The following PDCD11 variants were observed in gnomAD, a reference collection of about 807,000 sequenced individuals.
PDCD11 encodes protein RRP5 homolog.
Under a neutral mutation model 198.9 loss-of-function variants are expected in PDCD11, and 97 were observed. The ratio of observed to expected loss-of-function variants is 0.49; its 90% CI spans 0.41 to 0.58. The LOEUF (loss-of-function observed/expected upper bound fraction) is 0.58. Ranked by LOEUF, PDCD11 falls within the 20% of genes least tolerant of loss-of-function variation. The probability of loss-of-function intolerance (pLI) is 0.00; values close to 1 mark genes in which losing one functional copy is unlikely to be tolerated. For missense variants in PDCD11, 2,102 were observed against 2,312.7 expected (o/e 0.91, Z 1.87); for synonymous variants, 893 against 918.0 (o/e 0.97, Z 0.49).
intron 15 of PDCD11, 106 bp downstream of exon 15, chr10:103,418,740 C>T: frequency 3.3e-6 from 3 of 906,214 alleles, no homozygotes; most frequent in Non-Finnish European, 1.7e-6. Context: ...AGAAATATCT[C>T]CACAAAACCA....
intron 14 of PDCD11, 75 bp from the exon 15 acceptor site, chr10:103,418,365 A>G (rs985001546): frequency 7.9e-6 from 10 of 1,262,618 alleles, no homozygotes; most frequent in Non-Finnish European, 1.1e-5. Context: ...AATGCCTCCA[A>G]GCCCTGCCTA....
At position 103,434,010 on chromosome 10, in the gene PDCD11, C is replaced by G; in HGVS notation, c.3537C>G (p.Pro1179=). The G allele has an allele frequency of 6.2e-7, 1 of 1,613,852 alleles. No homozygotes were observed. The highest frequency in any genetic ancestry group is 8.5e-7 in the Non-Finnish European group (1 of 1,179,744). The stretch of plus-strand genomic sequence containing the variant: ...CCCCAGACATCCGGGGGAGAATTCC[C>G]TTATTGCTCACTTCTCTGAGCTTCA... ...EIAPDIRGRI[P]LLLTSLSFKV... is the part of the protein sequence containing the mutation. The change falls in exon 23 of 36, where the codon CCC becomes CCG. Residue 1179 remains proline (P), a synonymous_variant. Coordinates refer to ENST00000369797, the MANE Select transcript of PDCD11 (RefSeq NM_014976.2).
chr10:103,425,421 C>T lies in PDCD11; in HGVS notation c.3201C>T (p.His1067=), dbSNP rs765948904. 1.2e-6 allele frequency: 2 copies of T among 1,614,092 alleles called. No individual in the cohort carries two copies. Among genetic ancestry groups the T allele is most frequent in the South Asian group, 2.2e-5 (2 of 91,082 alleles). The change falls in exon 20 of 36, where the codon CAC becomes CAT. Residue 1067 remains histidine, a synonymous_variant. Transcript: ENST00000369797. ...DGIIGCIHAS[H]ILDDVPEGTS... is the part of the protein sequence containing the mutation. ...TTATTGGCTGTATCCATGCCTCCCACATTCTAGATGATGTTCCAGAGGGCA... is the reference window on the plus strand; with the variant it reads ...TTATTGGCTGTATCCATGCCTCCCATATTCTAGATGATGTTCCAGAGGGCA...
chr10:103,423,663 G>A lies in PDCD11; in HGVS notation c.2763+5G>A. The A allele has an allele frequency of 1.3e-6, 2 of 1,571,590 alleles. No homozygotes were observed. Among genetic ancestry groups the A allele is most frequent in the Non-Finnish European group, 1.8e-6 (2 of 1,141,184 alleles). On this transcript the variant is annotated splice_donor_5th_base_variant and intron_variant, in intron 19 of 35. Coordinates refer to ENST00000369797, the MANE Select transcript of PDCD11 (RefSeq NM_014976.2). ...GTGAATAGAAAAGCTAGAAAGGTAA[G>A]CTTGCTCCTGACTTCCATTTCCATG...
chr10:103,430,836 T>C (rs1163398967), intron 21 of PDCD11, among the ~76,000 whole-genome samples: 1 of 152,096 alleles, frequency 6.6e-6, no homozygotes, highest in African/African-American at 2.4e-5. Flanking sequence ...TTCGCTCTTA[T>C]TGCCCAGGCT....
Position 103,417,936 on chromosome 10 carries a change from C to T in PDCD11, c.1911+4C>T, listed in dbSNP as rs1225100979. ...AAAAGCCATTAACATTGGGCAGGTA[C>T]GTGGACTTCTCTGGACAAGCTATTT... is the stretch of plus-strand genomic sequence containing the variant. On this transcript the variant is annotated splice_donor_region_variant and intron_variant, in intron 14 of 35. Transcript: ENST00000369797. The T allele has an allele frequency of 4.3e-6, 7 of 1,613,900 alleles. No individual in the cohort carries two copies. The highest frequency in any genetic ancestry group is 3.3e-5 in the South Asian group (3 of 91,074).
rs543001494 is a variant in PDCD11 at position 103,421,397 on chromosome 10, G to A, written c.2327G>A (p.Gly776Asp). ...TCCACAAGTGACCACTTTGTTGAGG[G>A]CCAGACAGTAGCGGCAAAGGTGACC... ...VTSTSDHFVE[G>D]QTVAAKVTNV... Residue 776 changes from glycine to aspartate, a missense_variant, in exon 17 of 36, where the codon GGC becomes GAC. Transcript: ENST00000369797. 215 of 1,609,942 alleles carry A rather than the reference G, an allele frequency of 1.3e-4. 4 individuals carry two copies. In the South Asian group the frequency reaches 2.2e-3, roughly 17 times the overall value.
At chr10:103,439,308 C>T (rs1169067899) in intron 27 of PDCD11, among the ~76,000 whole-genome samples, 2 of 152,136 alleles carry the variant, frequency 1.3e-5, no homozygotes, top group Non-Finnish European at 1.5e-5. Flanking sequence ...TGCCTCTGAC[C>T]TCCAGCCTGG....
rs115584729 is a variant in PDCD11 at position 103,427,748 on chromosome 10, C to T, written c.3368+357C>T. Among the ~76,000 whole-genome samples, 1,357 of 152,184 alleles carry T rather than the reference C, an allele frequency of 8.9e-3. 16 individuals carry two copies. The highest frequency in any genetic ancestry group is 0.03 in the African/African-American group (1,242 of 41,506). ...AGAATACCTGTTATTTCAACCTAGA[C>T]GACTGTGTGGTGGGCTGGAGGCTGA... On this transcript the variant is annotated intron_variant, in intron 21 of 35. Coordinates refer to ENST00000369797, the MANE Select transcript of PDCD11 (RefSeq NM_014976.2).
In PDCD11 at chr10:103,416,705, A is replaced by G. The variant is rs777134210; in HGVS notation, c.1733A>G (p.Tyr578Cys). 9 of 1,614,076 alleles carry G rather than the reference A, an allele frequency of 5.6e-6. No homozygotes were observed. Among genetic ancestry groups the G allele is most frequent in the Non-Finnish European group, 8.5e-7 (1 of 1,180,016 alleles). ...CCCAAGCATGAGCTCAGTACTGAGT[A>G]TATCCCTGACCCGGAGAGAGTTTTT... Reference protein sequence around the residue: ...LVPKHELSTEYIPDPERVFYT... With the variant: ...LVPKHELSTECIPDPERVFYT... Residue 578 changes from tyrosine to cysteine, a missense_variant, in exon 13 of 36, where the codon TAT (tyrosine) becomes TGT (cysteine). Tyr to Cys is a radical substitution (Grantham distance 194). Transcript: ENST00000369797.
chr10:103,397,767 A>C (rs770238862), intron 1 of PDCD11, among the ~76,000 whole-genome samples: 1 of 152,204 alleles, frequency 6.6e-6, no homozygotes, highest in Non-Finnish European at 1.5e-5. Context: ...TTTATGCTTT[A>C]ATCTCCCAGT....
At chr10:103,443,078 G>C in intron 32 of PDCD11, 87 bp from the exon 33 acceptor site, 2 of 1,186,204 alleles carry the variant, frequency 1.7e-6, no homozygotes, top group East Asian at 2.4e-5. Context: ...AGGCTGGGAG[G>C]GGGAGGTGGT....
intron 11 of PDCD11, among the ~76,000 whole-genome samples, chr10:103,414,582 G>A (rs2030995490): frequency 6.6e-6 from 1 of 152,170 alleles, no homozygotes; most frequent in East Asian, 1.9e-4. Context: ...GGATTTGATG[G>A]TGGTTAGTAG....
At position 103,438,021 on chromosome 10, in the gene PDCD11, C is replaced by T. The variant is rs201159426; in HGVS notation, c.3852C>T (p.Tyr1284=). The change falls in exon 26 of 36, where the codon TAC becomes TAT. Residue 1284 remains tyrosine (Y), a synonymous_variant. Coordinates refer to ENST00000369797, the MANE Select transcript of PDCD11 (RefSeq NM_014976.2). ...DFVPQKVVRC[Y]ILSTADNVLT... is the part of the protein sequence containing the mutation. ...CTCTTTTGCCTTCATTCAGATGTTA[C>T]ATCCTGTCCACTGCAGACAACGTAT... The T allele has an allele frequency of 5.0e-6, 8 of 1,613,138 alleles. No homozygotes were observed. In the East Asian group the frequency reaches 1.3e-4, roughly 27 times the overall value.
chr10:103,419,951 G>T (rs1488560662), intron 16 of PDCD11, among the ~76,000 whole-genome samples: 2 of 134,078 alleles, frequency 1.5e-5, no homozygotes, highest in African/African-American at 6.0e-5. Flanking sequence ...CAACATGCCA[G>T]GCTTTTTTTT....
chr10:103,414,881 G>T (rs2031014580), intron 11 of PDCD11, 124 bp from the exon 12 acceptor site: 4 of 917,650 alleles, frequency 4.4e-6, no homozygotes, highest in Non-Finnish European at 7.0e-6. Flanking sequence ...GTGCCATCTG[G>T]AATAACAGGC....
At chr10:103,407,586 A>T (rs925043478) in intron 7 of PDCD11, among the ~76,000 whole-genome samples, 1 of 151,890 alleles carries the variant, frequency 6.6e-6, no homozygotes. Context: ...AAATATATAT[A>T]TTTTATAGAG....
chr10:103,414,386 C>A (rs942045323), intron 11 of PDCD11, 56 bp downstream of exon 11: 27 of 1,275,506 alleles, frequency 2.1e-5, no homozygotes, highest in Non-Finnish European at 3.1e-5. Flanking sequence ...TTCTTTAGTT[C>A]ACGCACAGGT....
intron 22 of PDCD11, among the ~76,000 whole-genome samples, chr10:103,432,453 T>G (rs185867227): frequency 3.2e-4 from 48 of 152,364 alleles, no homozygotes; most frequent in African/African-American, 1.1e-3. Flanking sequence ...AGCTCGTAAT[T>G]CATTGTTGGT....
Sources: gnomAD v4.1 joint callset for allele counts (sites outside exome capture counted in the v4.1 genomes callset) on GRCh38, gnomAD v4.1.1 for gene constraint, MANE v1.5 for transcripts, NCBI Gene and HGNC (gene_info 2026-07-23, HGNC 2026-07-21) for gene names.